CADM2: variants seen among roughly 807,000 people sequenced by gnomAD.
CADM2 encodes cell adhesion molecule 2.
Under a neutral mutation model 49.8 loss-of-function variants are expected in CADM2, and 12 were observed. The observed-to-expected ratio is 0.24, with a 90% CI of 0.15 to 0.39. The LOEUF (loss-of-function observed/expected upper bound fraction) is 0.39. Among genes scored for constraint, CADM2 ranks in the 10% least tolerant of loss-of-function variants. The pLI, the probability that CADM2 is intolerant of heterozygous loss-of-function variation, is 1.00. For synonymous variants in CADM2, 214 were observed against 175.4 expected, an observed-to-expected ratio of 1.22 and a Z score of -1.74; for missense variants, 378 against 492.3, an observed-to-expected ratio of 0.77 and a Z score of 2.20.
chr3:85,545,178 T>A (rs2061640543), intron 1 of CADM2, among the ~76,000 whole-genome samples: 1 of 152,172 alleles, frequency 6.6e-6, no homozygotes, highest in African/African-American at 2.4e-5. Context: ...ATCATGCCAA[T>A]AATAAGCATG....
At chr3:85,432,763 T>G (rs1351695128) in intron 1 of CADM2, among the ~76,000 whole-genome samples, 2 of 152,158 alleles carry the variant, frequency 1.3e-5, no homozygotes, top group Admixed American at 1.3e-4. Context: ...GTAATGTACA[T>G]TCTTATTTTG....
intron 1 of CADM2, among the ~76,000 whole-genome samples, chr3:85,145,537 G>A (rs186585951): frequency 5.5e-4 from 84 of 151,658 alleles, no homozygotes; most frequent in African/African-American, 2.0e-3. Flanking sequence ...TGGCTTTTCA[G>A]GATTATCATA....
chr3:85,872,213 G>A (rs1358583880), intron 3 of CADM2, among the ~76,000 whole-genome samples: 1 of 152,120 alleles, frequency 6.6e-6, no homozygotes, highest in Non-Finnish European at 1.5e-5. Flanking sequence ...AGACTTTGAA[G>A]CAGTACATAT....
rs550374237 is a variant in CADM2 at position 85,268,274 on chromosome 3, C to A, written c.61+308606C>A. 2.0e-5 allele frequency among the ~76,000 whole-genome samples: 3 copies of A among 151,456 alleles called. No homozygotes were observed. The South Asian group carries it at 6.2e-4, about 31-fold the overall frequency. On this transcript the variant is annotated intron_variant, in intron 1 of 9. Coordinates refer to ENST00000383699, the MANE Select transcript of CADM2 (RefSeq NM_001167675.2). ...TTAGAGAAACTTGATATGTTGTATTCATTCCTATGAATACAAATAATTTTA... is the reference window on the plus strand; with the variant it reads ...TTAGAGAAACTTGATATGTTGTATTAATTCCTATGAATACAAATAATTTTA...
At chr3:85,911,355 C>T (rs1182365273) in intron 5 of CADM2, among the ~76,000 whole-genome samples, 2 of 152,122 alleles carry the variant, frequency 1.3e-5, no homozygotes, top group African/African-American at 4.8e-5. Flanking sequence ...CAAATAGTCC[C>T]TTAGTGCACC....
chr3:84,968,830 A>G (rs1281231501), intron 1 of CADM2, among the ~76,000 whole-genome samples: 1 of 152,062 alleles, frequency 6.6e-6, no homozygotes, highest in Non-Finnish European at 1.5e-5. Flanking sequence ...GCTGGTTTTT[A>G]TGTGAGGCTG....
chr3:86,060,724 C>T (rs943021345), intron 8 of CADM2, among the ~76,000 whole-genome samples: 15 of 152,070 alleles, frequency 9.9e-5, no homozygotes, highest in African/African-American at 3.6e-4. Context: ...TGACTCACGC[C>T]TGTAATCCCA....
At chr3:85,878,713 A>G (rs1192337605) in intron 3 of CADM2, among the ~76,000 whole-genome samples, 4 of 152,074 alleles carry the variant, frequency 2.6e-5, no homozygotes, top group African/African-American at 9.7e-5. Flanking sequence ...GTTCCATGAA[A>G]ATGGTTTAAA....
At chr3:85,469,070 T>C (rs2038652127) in intron 1 of CADM2, among the ~76,000 whole-genome samples, 1 of 152,162 alleles carries the variant, frequency 6.6e-6, no homozygotes, top group South Asian at 2.1e-4. Flanking sequence ...CTTTTTAGGC[T>C]TAAAGTTGCA....
At chr3:85,862,859 T>C (rs2075588395) in intron 3 of CADM2, among the ~76,000 whole-genome samples, 1 of 152,162 alleles carries the variant, frequency 6.6e-6, no homozygotes, top group African/African-American at 2.4e-5. Flanking sequence ...ATGTCTTTTC[T>C]AGTGATTGAA....
Position 85,061,779 on chromosome 3 carries a change from G to A in CADM2, c.61+102111G>A, listed in dbSNP as rs913895835. On this transcript the variant is annotated intron_variant, in intron 1 of 9. Transcript: ENST00000383699. ...AGTAAAATACAGTCTATTTGTGTTC[G>A]GTATTGCAATGTAGTCGATATATAC... Among the ~76,000 whole-genome samples the A allele has an allele frequency of 4.6e-5, 7 of 152,032 alleles. No homozygotes were observed. In the South Asian group the frequency reaches 8.3e-4, roughly 18 times the overall value.
At chr3:85,292,451 T>G (rs1376466983) in intron 1 of CADM2, among the ~76,000 whole-genome samples, 1 of 151,502 alleles carries the variant, frequency 6.6e-6, no homozygotes, top group East Asian at 1.9e-4. Flanking sequence ...AATAGACATC[T>G]ACAGAACTCT....
chr3:84,993,507 G>A lies in CADM2; in HGVS notation c.61+33839G>A, dbSNP rs140360417. 1.5e-3 allele frequency among the ~76,000 whole-genome samples: 222 copies of A among 152,218 alleles called. 1 individual carries two copies. The highest frequency in any genetic ancestry group is 5.0e-3 in the African/African-American group (206 of 41,548). On this transcript the variant is annotated intron_variant, in intron 1 of 9. Coordinates refer to ENST00000383699, the MANE Select transcript of CADM2 (RefSeq NM_001167675.2). ...TCTGGTCCTAGTTGACCCTGTAATC[G>A]TCAACTTTAAAGAGTAAATCTTGAG... is the stretch of plus-strand genomic sequence containing the variant.
At chr3:85,704,454 C>T (rs2066874730) in intron 1 of CADM2, among the ~76,000 whole-genome samples, 2 of 152,134 alleles carry the variant, frequency 1.3e-5, no homozygotes, top group Non-Finnish European at 2.9e-5. Flanking sequence ...CCATCATGGG[C>T]TGGTTCTTGG....
intron 1 of CADM2, among the ~76,000 whole-genome samples, chr3:85,655,657 A>C (rs1308915159): frequency 6.6e-6 from 1 of 152,192 alleles, no homozygotes; most frequent in Non-Finnish European, 1.5e-5. Context: ...CTTACCTAAT[A>C]TTAATGACCT....
chr3:85,013,085 A>AT (rs1339062000), intron 1 of CADM2, among the ~76,000 whole-genome samples: 3 of 151,404 alleles, frequency 2.0e-5, no homozygotes, highest in Admixed American at 6.6e-5. Flanking sequence ...AATAAATGAC[A>AT]TTTTTTCATT....
chr3:85,750,150 A>G (rs1261279946), intron 2 of CADM2, among the ~76,000 whole-genome samples: 4 of 151,990 alleles, frequency 2.6e-5, no homozygotes, highest in African/African-American at 4.8e-5. Context: ...CTTTCTGTTT[A>G]ATATCAAAAG....
intron 1 of CADM2, among the ~76,000 whole-genome samples, chr3:85,709,520 C>G (rs1005963449): frequency 1.3e-5 from 2 of 152,070 alleles, no homozygotes; most frequent in East Asian, 3.9e-4. Context: ...CCTACACTAA[C>G]AAAAATGGTT....
At chr3:84,984,371 A>T (rs1000564548) in intron 1 of CADM2, among the ~76,000 whole-genome samples, 1 of 143,712 alleles carries the variant, frequency 7.0e-6, no homozygotes, top group East Asian at 2.0e-4. Context: ...AAAAAAAAAA[A>T]AAAAAAAAAA....
Sources: allele counts gnomAD v4.1 joint callset (sites outside exome capture counted in the v4.1 genomes callset), GRCh38; gene constraint gnomAD v4.1.1; transcripts MANE v1.5; gene names NCBI Gene and HGNC (gene_info 2026-07-23, HGNC 2026-07-21).